Variants in MIGA1 observed in about 807,000 individuals in gnomAD.
MIGA1 encodes mitoguardin 1, also known as family with sequence similarity 73, member A.
MIGA1 carries 58 observed loss-of-function variants against 82.0 expected under a neutral mutation model. The observed-to-expected ratio is 0.71, with a 90% CI of 0.57 to 0.88. MIGA1 has a LOEUF of 0.88. Ranked by LOEUF, MIGA1 falls within the 40% of genes least tolerant of loss-of-function variation. The pLI, the probability that MIGA1 is intolerant of heterozygous loss-of-function variation, is 0.00. For synonymous variants in MIGA1, 249 were observed against 253.6 expected (o/e 0.98, Z 0.17); for missense variants, 751 against 749.1 (o/e 1.00, Z -0.03).
At chr1:77,794,715 T>G (rs2101724707) in intron 2 of MIGA1, among the ~76,000 whole-genome samples, 1 of 152,196 alleles carries the variant, frequency 6.6e-6, no homozygotes, top group Admixed American at 6.5e-5. Flanking sequence ...AGTGGGAGGA[T>G]CGCTTGAGCC....
chr1:77,816,826 G>A (rs535462944), intron 7 of MIGA1, among the ~76,000 whole-genome samples: 1 of 152,210 alleles, frequency 6.6e-6, no homozygotes, highest in East Asian at 1.9e-4. Context: ...AGAAAGAACC[G>A]AGAAAAGAAA....
At chr1:77,793,521 A>G (rs1369011194) in intron 2 of MIGA1, among the ~76,000 whole-genome samples, 4 of 152,014 alleles carry the variant, frequency 2.6e-5, no homozygotes, top group Admixed American at 2.0e-4. Context: ...ATGCAGTGGC[A>G]CAATCTTGGC....
At chr1:77,779,991 G>A (rs1681830317) in intron 1 of MIGA1, 3 of 1,254,300 alleles carry the variant, frequency 2.4e-6, no homozygotes, top group African/African-American at 1.6e-5. Flanking sequence ...TAGGAAAGCA[G>A]GAGGGTCCCC....
At chr1:77,813,519 T>C (rs1399637977) in intron 5 of MIGA1, among the ~76,000 whole-genome samples, 2 of 152,216 alleles carry the variant, frequency 1.3e-5, no homozygotes, top group Non-Finnish European at 2.9e-5. Flanking sequence ...AATGAAAACA[T>C]ATTGGCCATT....
chr1:77,844,513 A>C (rs1291418958), intron 8 of MIGA1, among the ~76,000 whole-genome samples: 2 of 152,180 alleles, frequency 1.3e-5, no homozygotes, highest in African/African-American at 4.8e-5. Flanking sequence ...CTGAGATTTA[A>C]ATTTTTTACC....
At chr1:77,869,968 C>T (rs1295737580) in intron 14 of MIGA1, among the ~76,000 whole-genome samples, 1 of 134,778 alleles carries the variant, frequency 7.4e-6, no homozygotes, top group Non-Finnish European at 1.6e-5. Context: ...GGGGGGCTGA[C>T]CCCCCCACCT....
chr1:77,783,211 AT>A (rs764881791), intron 1 of MIGA1, 26 bp from the exon 2 acceptor site: 89 of 1,464,760 alleles, frequency 6.1e-5, no homozygotes, highest in South Asian at 2.0e-4. Context: ...TTTGTGGCTA[AT>A]TTTTTTTATG....
intron 10 of MIGA1, 80 bp downstream of exon 10, chr1:77,859,466 G>A (rs1264279685): frequency 2.1e-6 from 2 of 936,638 alleles, no homozygotes; most frequent in African/African-American, 3.2e-5. Context: ...AAATAAACAG[G>A]ACAGCTCTGT....
intron 2 of MIGA1, among the ~76,000 whole-genome samples, chr1:77,785,859 A>C (rs573733176): frequency 6.6e-6 from 1 of 152,226 alleles, no homozygotes; most frequent in African/African-American, 2.4e-5. Context: ...TGGATCTATC[A>C]TTCTGGGGTC....
rs1419796467 is a variant in MIGA1 at position 77,801,380 on chromosome 1, G to T, written c.245G>T (p.Ser82Ile). 1 of 1,602,536 alleles carries T rather than the reference G, an allele frequency of 6.2e-7. No homozygotes were observed. Residue 82 changes from serine to isoleucine, a missense_variant, in exon 3 of 16, where the codon AGT (serine) becomes ATT (isoleucine). This residue lies in a region of MIGA1 where 482 missense variants were observed against 439.4 expected (regional missense o/e 1.10). Transcript: ENST00000370791. ...AAGTTGTTTGTGGTAACTGCAGTGAGTGCTATATCTGTAATTTTTCTGGCT... is the reference window on the plus strand; with the variant it reads ...AAGTTGTTTGTGGTAACTGCAGTGATTGCTATATCTGTAATTTTTCTGGCT...
chr1:77,854,481 T>C (rs1002874782), intron 8 of MIGA1, among the ~76,000 whole-genome samples: 4 of 152,206 alleles, frequency 2.6e-5, no homozygotes, highest in Non-Finnish European at 5.9e-5. Flanking sequence ...CTTCACACTT[T>C]TTTCCATAGT....
Position 77,810,758 on chromosome 1 carries a change from G to A in MIGA1, c.638-2976G>A, listed in dbSNP as rs563593687. 41 of 1,237,254 alleles carry A rather than the reference G, an allele frequency of 3.3e-5. No homozygotes were observed. The South Asian group carries it at 4.9e-4, about 15-fold the overall frequency. 76.6% of individuals were successfully genotyped at this position (1,237,254 alleles called of 1,614,324 possible). On this transcript the variant is annotated intron_variant, in intron 5 of 15. Transcript: ENST00000370791. ...CCGTCCGGCCTACTGGTCTGGGTAC[G>A]GCTTGCTTCCTGCCTGTTGAAGGGT...
At chr1:77,785,327 C>G (rs1015126728) in intron 2 of MIGA1, among the ~76,000 whole-genome samples, 1 of 152,062 alleles carries the variant, frequency 6.6e-6, no homozygotes. Context: ...AGTTTGAAAT[C>G]CAGCAGGGCA....
chr1:77,872,338 C>T (rs1002427444), intron 14 of MIGA1, among the ~76,000 whole-genome samples: 1 of 152,034 alleles, frequency 6.6e-6, no homozygotes, highest in Admixed American at 6.6e-5. Flanking sequence ...TGGCAGCTCA[C>T]GCCTGTAATC....
rs756385970 is a variant in MIGA1 at position 77,813,847 on chromosome 1, A to G, written c.751A>G (p.Ile251Val). The change falls in exon 6 of 16, where the codon ATT becomes GTT. Residue 251 changes from isoleucine (I) to valine (V), a missense_variant. Ile to Val is a conservative substitution (Grantham distance 29). Transcript: ENST00000370791. ...CATTAAACTGGGTGCAGGAGATGCC[A>G]TTGCTGAAGAAAATGTAGATGTAAG... 3 of 1,614,178 alleles carry G rather than the reference A, an allele frequency of 1.9e-6. No homozygotes were observed. In the South Asian group the frequency reaches 3.3e-5, roughly 18 times the overall value.
intron 8 of MIGA1, among the ~76,000 whole-genome samples, chr1:77,856,173 C>A (rs776705843): frequency 1.2e-4 from 18 of 152,144 alleles, no homozygotes; most frequent in Admixed American, 9.2e-4. Context: ...GTTTTTAATT[C>A]TGTTTATGTG....
At chr1:77,869,628 C>T (rs1398755246) in intron 14 of MIGA1, among the ~76,000 whole-genome samples, 22 of 130,872 alleles carry the variant, frequency 1.7e-4, no homozygotes, top group African/African-American at 5.2e-4. Flanking sequence ...GGGGTCCTCA[C>T]TTCCCAGTAG....
chr1:77,841,189 A>G (rs1389814926), intron 7 of MIGA1, among the ~76,000 whole-genome samples: 1 of 152,166 alleles, frequency 6.6e-6, no homozygotes, highest in Non-Finnish European at 1.5e-5. Flanking sequence ...ATTTTATCCC[A>G]TTAATAGTCA....
chr1:77,826,910 T>G (rs1183482794), intron 7 of MIGA1, among the ~76,000 whole-genome samples: 2 of 151,876 alleles, frequency 1.3e-5, no homozygotes, highest in African/African-American at 4.8e-5. Flanking sequence ...GTTCAAGTGA[T>G]TCTCCTGCCT....
Sources: gnomAD v4.1 joint callset for allele counts (sites outside exome capture counted in the v4.1 genomes callset) on GRCh38, gnomAD v4.1.1 for gene constraint, gnomAD v4.1.1 regional missense constraint, MANE v1.5 for transcripts, NCBI Gene and HGNC (gene_info 2026-07-23, HGNC 2026-07-21) for gene names.